The following SNX13 variants were observed in gnomAD, a reference collection of about 807,000 sequenced individuals.
The protein encoded by SNX13 is sorting nexin 13, also known as sorting nexin-13.
In SNX13, 45 loss-of-function variants were observed where a neutral mutation model predicts 133.6. The observed-to-expected ratio is 0.34, with a 90% CI of 0.27 to 0.43. The LOEUF (loss-of-function observed/expected upper bound fraction) is 0.43. SNX13 is among the 20% of genes least tolerant of loss of function. The probability of loss-of-function intolerance (pLI) is 1.00; values close to 1 mark genes in which losing one functional copy is unlikely to be tolerated. For missense variants in SNX13, 1,032 were observed against 1,145.1 expected, an observed-to-expected ratio of 0.90 and a Z score of 1.43; for synonymous variants, 414 against 373.9, an observed-to-expected ratio of 1.11 and a Z score of -1.24.
At chr7:17,798,929 G>T in intron 23 of SNX13, 80 bp downstream of exon 23, 1 of 1,500,096 alleles carries the variant, frequency 6.7e-7, no homozygotes, top group Non-Finnish European at 9.0e-7. Context: ...CTCCTACAAA[G>T]GTTGAGCAAT....
intron 1 of SNX13, among the ~76,000 whole-genome samples, chr7:17,931,927 T>C (rs573010143): frequency 5.9e-5 from 9 of 152,320 alleles, no homozygotes; most frequent in East Asian, 1.9e-4. Flanking sequence ...GTCTCCAACA[T>C]TGAACAGAGA....
At chr7:17,848,525 G>C (rs559936274) in intron 11 of SNX13, among the ~76,000 whole-genome samples, 1 of 152,170 alleles carries the variant, frequency 6.6e-6, no homozygotes, top group Non-Finnish European at 1.5e-5. Context: ...CTAAGAGAGC[G>C]CTGTAACACA....
chr7:17,795,891 G>A lies in SNX13; in HGVS notation c.2626+936C>T, dbSNP rs1421844677. 2.0e-5 allele frequency: 3 copies of A among 151,564 alleles called. No individual in the cohort carries two copies. In the Admixed American group the frequency reaches 2.0e-4, roughly 10 times the overall value. The allele number at this position is 151,564 out of a possible 1,614,324, so 9.4% of individuals were successfully genotyped here. ...TATCAGCAAATGAAACGGTATATAG[G>A]TAAGAATTAAAATTGTGGCAAATTT... On this transcript the variant is annotated intron_variant, in intron 25 of 25. Transcript: ENST00000428135.
intron 13 of SNX13, among the ~76,000 whole-genome samples, chr7:17,835,407 G>A (rs1440999403): frequency 6.6e-6 from 1 of 151,816 alleles, no homozygotes. Context: ...TATAACTAAT[G>A]CTGCAGCAAA....
At chr7:17,900,775 C>G (rs1398847155) in intron 1 of SNX13, among the ~76,000 whole-genome samples, 2 of 152,124 alleles carry the variant, frequency 1.3e-5, no homozygotes, top group Non-Finnish European at 2.9e-5. Context: ...GAATCAGGGA[C>G]CCCAAGAGCC....
rs1790112685 is a variant in SNX13 at position 17,843,207 on chromosome 7, CAT to C, written c.1165+2386_1165+2387del. On this transcript the variant is annotated intron_variant, in intron 12 of 25. Coordinates refer to ENST00000428135, the MANE Select transcript of SNX13 (RefSeq NM_015132.5). ...TCTACAAAGACTTTAGATACAAAGA[CAT>C]AAATAAATTGAAAGTGAAAGAATGA... Among the ~76,000 whole-genome samples, 6 of 151,834 alleles carry C rather than the reference CAT, an allele frequency of 4.0e-5. No individual in the cohort carries two copies. In the South Asian group the frequency reaches 1.2e-3, roughly 31 times the overall value.
chr7:17,892,698 T>C (rs1182167872), intron 3 of SNX13, among the ~76,000 whole-genome samples: 4 of 152,124 alleles, frequency 2.6e-5, no homozygotes, highest in Non-Finnish European at 5.9e-5. Context: ...AACAGATAAA[T>C]TAATAACTGT....
At position 17,812,984 on chromosome 7, in the gene SNX13, G is replaced by A. The variant is rs529728369; in HGVS notation, c.2064+1850C>T. On this transcript the variant is annotated intron_variant, in intron 20 of 25. Transcript: ENST00000428135. Reference sequence around the variant, plus strand: ...CCTGTCAGGGGGTTGAGGGCTAGGGGAGGGATAGCATTAGGAGAAACACCT... The same window carrying A: ...CCTGTCAGGGGGTTGAGGGCTAGGGAAGGGATAGCATTAGGAGAAACACCT... Among the ~76,000 whole-genome samples the A allele has an allele frequency of 9.2e-5, 14 of 152,258 alleles. No individual in the cohort carries two copies. The South Asian group carries it at 2.9e-3, about 32-fold the overall frequency.
chr7:17,807,878 AG>A (rs1785502749), intron 20 of SNX13, among the ~76,000 whole-genome samples: 1 of 152,164 alleles, frequency 6.6e-6, no homozygotes, highest in Admixed American at 6.5e-5. Context: ...GATTGTTAGA[AG>A]GAAAACTAAC....
intron 1 of SNX13, among the ~76,000 whole-genome samples, chr7:17,932,493 T>G (rs1373120140): frequency 6.6e-6 from 1 of 152,252 alleles, no homozygotes; most frequent in East Asian, 1.9e-4. Flanking sequence ...TTTTTCACTT[T>G]AATCTTAATT....
At chr7:17,871,068 C>T (rs1197594032) in intron 8 of SNX13, among the ~76,000 whole-genome samples, 7 of 151,084 alleles carry the variant, frequency 4.6e-5, no homozygotes, top group East Asian at 1.9e-4. Context: ...TGCAGTGGCG[C>T]GATCTCAGCT....
At chr7:17,810,441 G>A (rs982843428) in intron 20 of SNX13, among the ~76,000 whole-genome samples, 8 of 152,016 alleles carry the variant, frequency 5.3e-5, no homozygotes, top group East Asian at 1.9e-4. Flanking sequence ...TCCCTGAAGA[G>A]ACCAACAAGT....
intron 9 of SNX13, among the ~76,000 whole-genome samples, chr7:17,862,851 C>T (rs1021405743): frequency 3.9e-5 from 6 of 152,094 alleles, no homozygotes; most frequent in South Asian, 2.1e-4. Context: ...ATTAAATAAC[C>T]GTCCATGCAC....
intron 17 of SNX13, among the ~76,000 whole-genome samples, chr7:17,823,769 C>G (rs568946296): frequency 6.6e-6 from 1 of 152,164 alleles, no homozygotes; most frequent in Admixed American, 6.5e-5. Context: ...GTTAGCATGG[C>G]AACAAGGGAA....
At chr7:17,926,021 G>A (rs1327802831) in intron 1 of SNX13, among the ~76,000 whole-genome samples, 1 of 152,108 alleles carries the variant, frequency 6.6e-6, no homozygotes, top group African/African-American at 2.4e-5. Flanking sequence ...TTTAGCCTGG[G>A]AGATTCAGGA....
chr7:17,856,635 T>TA (rs1562783088), intron 9 of SNX13, among the ~76,000 whole-genome samples: 1 of 150,416 alleles, frequency 6.6e-6, no homozygotes, highest in African/African-American at 2.4e-5. Context: ...TACAAAACAA[T>TA]AAAAAAATTA....
chr7:17,882,905 T>G (rs1298103960), intron 5 of SNX13: 2 of 1,172,500 alleles, frequency 1.7e-6, no homozygotes. Flanking sequence ...GAGCCGAGAT[T>G]GCGCCATTGT....
In SNX13 at chr7:17,803,449, T is replaced by C; in HGVS notation, c.2196A>G (p.Leu732=). ...AAAATGATTGCTTTATGTCTTGACC[T>C]AATCTTTCTGACATTTTGCCCATGT... ...SDNMGKMSER[L]GQDIKQSFFK... is the part of the protein sequence containing the mutation. Residue 732 remains leucine, a synonymous_variant, in exon 21 of 26, where the codon TTA becomes TTG. Coordinates refer to ENST00000428135, the MANE Select transcript of SNX13 (RefSeq NM_015132.5). 6.2e-7 allele frequency: 1 copy of C among 1,611,936 alleles called. No homozygotes were observed. Among genetic ancestry groups the C allele is most frequent in the Middle Eastern group, 1.7e-4 (1 of 6,052 alleles).
At chr7:17,821,470 A>G (rs144264663) in intron 18 of SNX13, 39 bp downstream of exon 18, 1 of 1,528,800 alleles carries the variant, frequency 6.5e-7, no homozygotes, top group Non-Finnish European at 8.9e-7. Flanking sequence ...TCAAATCAAG[A>G]AACAACATAA....
Sources: gnomAD v4.1 joint callset for allele counts (sites outside exome capture counted in the v4.1 genomes callset) on GRCh38, gnomAD v4.1.1 for gene constraint, MANE v1.5 for transcripts, NCBI Gene and HGNC (gene_info 2026-07-23, HGNC 2026-07-21) for gene names.